The following NXPE2 variants were observed in gnomAD, a reference collection of about 807,000 sequenced individuals.
NXPE2 encodes neurexophilin and PC-esterase domain family member 2.
Under a neutral mutation model 34.4 loss-of-function variants are expected in NXPE2, and 34 were observed. That is an observed-to-expected ratio of 0.99 (90% CI 0.75 to 1.31). The LOEUF (loss-of-function observed/expected upper bound fraction) is 1.31, where lower values mean the gene tolerates loss of function less well. Among genes scored for constraint, NXPE2 ranks in the 40% most tolerant of loss-of-function variants. The pLI is 0.00. For synonymous variants in NXPE2, 235 were observed against 231.3 expected, an observed-to-expected ratio of 1.02 and a Z score of -0.15; for missense variants, 649 against 672.5, an observed-to-expected ratio of 0.97 and a Z score of 0.39.
chr11:114,638,221 T>C, the NXPE2 span, among the ~76,000 whole-genome samples: 35 of 152,110 alleles, frequency 2.3e-4, no homozygotes, highest in African/African-American at 7.7e-4. Flanking sequence ...ATTTCGTCTT[T>C]CATCACTGAT....
chr11:114,612,079 G>C, the NXPE2 span, among the ~76,000 whole-genome samples: 1 of 151,886 alleles, frequency 6.6e-6, no homozygotes, highest in Non-Finnish European at 1.5e-5. Context: ...TTACATGGTG[G>C]ATAATAAGTG....
the NXPE2 span, among the ~76,000 whole-genome samples, chr11:114,713,028 A>G: frequency 6.6e-6 from 1 of 152,160 alleles, no homozygotes; most frequent in Non-Finnish European, 1.5e-5. Context: ...GCCAGTGACA[A>G]AAGGATAAAT....
At chr11:114,571,156 T>G in the NXPE2 span, 2 of 1,614,028 alleles carry the variant, frequency 1.2e-6, no homozygotes, top group Non-Finnish European at 1.7e-6. Context: ...TTTTCTGTTT[T>G]GATGATAACC....
At chr11:114,675,682 T>G (rs955643153), upstream of NXPE2, among the ~76,000 whole-genome samples, 2 of 151,898 alleles carry the variant, frequency 1.3e-5, no homozygotes, top group African/African-American at 2.4e-5. Context: ...GCCCAAAACA[T>G]TCTACAGATT....
chr11:114,464,329 A>C, the NXPE2 span, among the ~76,000 whole-genome samples: 1 of 152,056 alleles, frequency 6.6e-6, no homozygotes, highest in Non-Finnish European at 1.5e-5. Flanking sequence ...CCCAGACTGA[A>C]AATATTTTTT....
At chr11:114,674,060 G>A (rs1269815962), upstream of NXPE2, among the ~76,000 whole-genome samples, 1 of 151,290 alleles carries the variant, frequency 6.6e-6, no homozygotes, top group Non-Finnish European at 1.5e-5. Flanking sequence ...AGGAGAGAAG[G>A]GGCCTCCAGG....
At chr11:114,570,149 C>G in the NXPE2 span, among the ~76,000 whole-genome samples, 1 of 152,188 alleles carries the variant, frequency 6.6e-6, no homozygotes. Flanking sequence ...GTTTGGGGCT[C>G]AGACTATCTG....
At chr11:114,656,805 G>A in the NXPE2 span, among the ~76,000 whole-genome samples, 8 of 152,056 alleles carry the variant, frequency 5.3e-5, no homozygotes, top group African/African-American at 1.9e-4. Flanking sequence ...ACTAGTAGTA[G>A]TAGTGTTTAA....
At chr11:114,769,892 A>G in the NXPE2 span, among the ~76,000 whole-genome samples, 5 of 152,200 alleles carry the variant, frequency 3.3e-5, no homozygotes, top group East Asian at 1.9e-4. Context: ...GTAAACCACC[A>G]TGGCACATGT....
chr11:114,652,223 G>C, the NXPE2 span, among the ~76,000 whole-genome samples: 12 of 152,188 alleles, frequency 7.9e-5, no homozygotes, highest in Non-Finnish European at 5.9e-5. Flanking sequence ...AGTTGAGTTA[G>C]CAGGTGAATT....
the NXPE2 span, among the ~76,000 whole-genome samples, chr11:114,665,318 C>T: frequency 1.3e-5 from 2 of 152,122 alleles, no homozygotes; most frequent in Non-Finnish European, 2.9e-5. Context: ...ATTAGAATGT[C>T]GTGGTTATAA....
the NXPE2 span, among the ~76,000 whole-genome samples, chr11:114,537,916 A>G: frequency 2.0e-5 from 3 of 152,184 alleles, no homozygotes; most frequent in Non-Finnish European, 4.4e-5. Flanking sequence ...TTCTTCACAG[A>G]ATTGGAAAAA....
chr11:114,513,263 G>A, the NXPE2 span: 2 of 499,392 alleles, frequency 4.0e-6, no homozygotes, highest in Non-Finnish European at 7.9e-6. Context: ...TGTGCTGTGT[G>A]CAGCACTGGT....
the NXPE2 span, among the ~76,000 whole-genome samples, chr11:114,486,637 G>C: frequency 6.6e-6 from 1 of 152,120 alleles, no homozygotes; most frequent in Non-Finnish European, 1.5e-5. Context: ...TGAGGTCTTA[G>C]ATTTAAATGT....
At chr11:114,723,764 C>A in the NXPE2 span, among the ~76,000 whole-genome samples, 1 of 152,144 alleles carries the variant, frequency 6.6e-6, no homozygotes, top group Non-Finnish European at 1.5e-5. Flanking sequence ...CTAGTGCAAG[C>A]ACTGATTCTG....
chr11:114,613,166 GATA>G, the NXPE2 span, among the ~76,000 whole-genome samples: 1 of 151,542 alleles, frequency 6.6e-6, no homozygotes, highest in Non-Finnish European at 1.5e-5. Context: ...TTACCCGATG[GATA>G]ATTAGTGTTG....
chr11:114,795,355 A>G, the NXPE2 span, among the ~76,000 whole-genome samples: 33 of 152,298 alleles, frequency 2.2e-4, no homozygotes, highest in African/African-American at 7.2e-4. Context: ...CTATTCCTCA[A>G]CTGGTTTCCC....
the NXPE2 span, among the ~76,000 whole-genome samples, chr11:114,731,851 T>C: frequency 6.6e-6 from 1 of 152,236 alleles, no homozygotes. Flanking sequence ...AAAAGTGTAG[T>C]ATACTTTCGT....
At chr11:114,629,436 T>C in the NXPE2 span, among the ~76,000 whole-genome samples, 1 of 151,652 alleles carries the variant, frequency 6.6e-6, no homozygotes, top group Admixed American at 6.6e-5. Context: ...ATTATCTCAA[T>C]AGATGCAGAA....
Sources: gnomAD v4.1 joint callset for allele counts (sites outside exome capture counted in the v4.1 genomes callset) on GRCh38, gnomAD v4.1.1 for gene constraint, MANE v1.5 for transcripts, NCBI Gene and HGNC (gene_info 2026-07-23, HGNC 2026-07-21) for gene names.